RCSD1: variants seen among roughly 807,000 people sequenced by gnomAD.
RCSD1 encodes RCSD domain containing 1.
Under a neutral mutation model 42.5 loss-of-function variants are expected in RCSD1, and 26 were observed. That is an observed-to-expected ratio of 0.61 (90% CI 0.45 to 0.85). The LOEUF (loss-of-function observed/expected upper bound fraction) is 0.85, where lower values mean the gene tolerates loss of function less well. Ranked by LOEUF, RCSD1 falls within the 40% of genes least tolerant of loss-of-function variation. The pLI, the probability that RCSD1 is intolerant of heterozygous loss-of-function variation, is 0.00. For missense variants in RCSD1, 571 were observed against 528.3 expected, an observed-to-expected ratio of 1.08 and a Z score of -0.79; for synonymous variants, 220 against 212.2, an observed-to-expected ratio of 1.04 and a Z score of -0.32.
chr1:167,706,415 A>G lies in RCSD1; in HGVS notation c.*1719A>G, dbSNP rs1263194248. 6.6e-6 allele frequency among the ~76,000 whole-genome samples: 1 copy of G among 152,192 alleles called. No homozygotes were observed. The highest frequency in any genetic ancestry group is 2.4e-5 in the African/African-American group (1 of 41,438). On this transcript the variant is annotated 3_prime_UTR_variant, in exon 7 of 7. Coordinates refer to ENST00000367854, the MANE Select transcript of RCSD1 (RefSeq NM_052862.4). ...GTCTTTGGGTTGTTTATACACATGC[A>G]CTATCTGGGCAAGTACTTTGTGAAT... is the stretch of plus-strand genomic sequence containing the variant.
chr1:167,633,472 G>GA (rs1657754859), intron 1 of RCSD1, among the ~76,000 whole-genome samples: 1 of 152,134 alleles, frequency 6.6e-6, no homozygotes. Flanking sequence ...AGCAGTAACA[G>GA]AAAAAAATGA....
At chr1:167,688,061 T>C (rs1659280267) in intron 3 of RCSD1, among the ~76,000 whole-genome samples, 1 of 152,224 alleles carries the variant, frequency 6.6e-6, no homozygotes, top group African/African-American at 2.4e-5. Flanking sequence ...TCTCAGCCGC[T>C]TGCCTGAAGC....
At chr1:167,637,644 C>T (rs1011638817) in intron 1 of RCSD1, among the ~76,000 whole-genome samples, 3 of 152,092 alleles carry the variant, frequency 2.0e-5, no homozygotes, top group East Asian at 1.9e-4. Flanking sequence ...CTCCAGGTCC[C>T]GAGGGAATGC....
intron 1 of RCSD1, among the ~76,000 whole-genome samples, chr1:167,660,475 G>T (rs370491542): frequency 0.041 from 5,791 of 142,792 alleles, 235 homozygotes; most frequent in African/African-American, 0.082. Flanking sequence ...TCACTGTTTT[G>T]TTTTTTTTTT....
chr1:167,645,598 G>A (rs910068076), intron 1 of RCSD1, among the ~76,000 whole-genome samples: 3 of 152,306 alleles, frequency 2.0e-5, no homozygotes, highest in Admixed American at 6.5e-5. Flanking sequence ...CAAAAACTAG[G>A]AAGAATTTTT....
At chr1:167,634,190 AG>A (rs1319629360) in intron 1 of RCSD1, among the ~76,000 whole-genome samples, 3 of 152,316 alleles carry the variant, frequency 2.0e-5, no homozygotes. Context: ...CAGACTCTAC[AG>A]CACTCTCAGA....
At chr1:167,693,290 A>T (rs930805626) in intron 4 of RCSD1, among the ~76,000 whole-genome samples, 10 of 151,734 alleles carry the variant, frequency 6.6e-5, no homozygotes, top group African/African-American at 2.4e-4. Flanking sequence ...AGAGGATCGG[A>T]CTCTCACGCA....
In RCSD1 at chr1:167,682,759, G is replaced by C. The variant is rs1433899520; in HGVS notation, c.7-1141G>C. On this transcript the variant is annotated intron_variant, in intron 1 of 6. Transcript: ENST00000367854. ...GAGGGAAGCATCCTTTGTTTTTGTA[G>C]ACCACAAGAGCCAGGGAAAGGCAGG... Among the ~76,000 whole-genome samples the C allele has an allele frequency of 2.7e-5, 4 of 150,528 alleles. 1 individual carries two copies. Among genetic ancestry groups the C allele is most frequent in the Non-Finnish European group, 5.9e-5 (4 of 67,808 alleles).
At position 167,675,855 on chromosome 1, in the gene RCSD1, C is replaced by G. The variant is rs578135703; in HGVS notation, c.7-8045C>G. 2.5e-4 allele frequency among the ~76,000 whole-genome samples: 38 copies of G among 152,082 alleles called. No homozygotes were observed. In the East Asian group the frequency reaches 6.2e-3, roughly 25 times the overall value. On this transcript the variant is annotated intron_variant, in intron 1 of 6. Coordinates refer to ENST00000367854, the MANE Select transcript of RCSD1 (RefSeq NM_052862.4). ...TTGAGCAAAGAATGGCTGCAAGCAG[C>G]AAGGAGCACATCTTAGCTAGCTGGG...
At chr1:167,690,781 A>G (rs1411067324) in intron 4 of RCSD1, among the ~76,000 whole-genome samples, 4 of 152,178 alleles carry the variant, frequency 2.6e-5, no homozygotes, top group Non-Finnish European at 4.4e-5. Context: ...TGCAGCCACA[A>G]ACCATTTCAG....
intron 1 of RCSD1, among the ~76,000 whole-genome samples, chr1:167,639,544 G>A (rs1657952618): frequency 6.6e-6 from 1 of 152,012 alleles, no homozygotes; most frequent in Non-Finnish European, 1.5e-5. Flanking sequence ...CCAGGCTGGA[G>A]CGCAATGGTG....
intron 1 of RCSD1, chr1:167,633,647 A>G (rs764481800): frequency 3.9e-5 from 6 of 152,194 alleles, no homozygotes; most frequent in Non-Finnish European, 5.9e-5. Flanking sequence ...TAATTCATGC[A>G]GAGGCCATCT....
Position 167,697,484 on chromosome 1 carries a change from C to T in RCSD1, c.860C>T (p.Thr287Ile). 1 of 1,609,294 alleles carries T rather than the reference C, an allele frequency of 6.2e-7. No individual in the cohort carries two copies. The highest frequency in any genetic ancestry group is 2.2e-5 in the East Asian group (1 of 44,722). Residue 287 changes from threonine to isoleucine, a missense_variant, in exon 6 of 7, where the codon ACC (threonine) becomes ATC (isoleucine). Transcript: ENST00000367854. ...GAGGAGGTCCCGGAATCGCCCCAGA[C>T]CTCTGGCCCAGAGGCAGAAAATAGG... ...AQEEVPESPQ[T>I]SGPEAENRCG...
chr1:167,694,085 T>A lies in RCSD1; in HGVS notation c.271-14T>A. ...CCCTAGTCCTATTTGAAATTGTTCA[T>A]CTTTTCTTGACAGGCCAATTTAACC... On this transcript the variant is annotated splice_polypyrimidine_tract_variant and intron_variant, in intron 4 of 6. Coordinates refer to ENST00000367854, the MANE Select transcript of RCSD1 (RefSeq NM_052862.4). The A allele has an allele frequency of 6.2e-7, 1 of 1,613,806 alleles. No individual in the cohort carries two copies. The highest frequency in any genetic ancestry group is 1.1e-5 in the South Asian group (1 of 91,080).
chr1:167,658,899 T>C (rs1009863907), intron 1 of RCSD1, among the ~76,000 whole-genome samples: 1 of 152,132 alleles, frequency 6.6e-6, no homozygotes, highest in African/African-American at 2.4e-5. Flanking sequence ...ATGGGGTAGA[T>C]TCTCAGGAGT....
At chr1:167,656,343 T>C (rs1026099875) in intron 1 of RCSD1, among the ~76,000 whole-genome samples, 2 of 152,204 alleles carry the variant, frequency 1.3e-5, no homozygotes, top group Admixed American at 6.5e-5. Context: ...ATGATATGCA[T>C]ATAATAATTA....
intron 1 of RCSD1, among the ~76,000 whole-genome samples, chr1:167,656,678 C>T (rs1199994430): frequency 6.6e-6 from 1 of 152,192 alleles, no homozygotes; most frequent in Non-Finnish European, 1.5e-5. Flanking sequence ...AGGACGCCTT[C>T]CACATAGTCA....
chr1:167,694,118 C>T lies in RCSD1; in HGVS notation c.290C>T (p.Pro97Leu), dbSNP rs1404614134. 6.2e-7 allele frequency: 1 copy of T among 1,614,202 alleles called. No individual in the cohort carries two copies. ...TGACAGGCCAATTTAACCTTTGACC[C>T]AGCTGCTCTACTGCCTGGGGCCTCA... ...EKLQANLTFD[P>L]AALLPGASPK... The change falls in exon 5 of 7, where the codon CCA (proline) becomes CTA (leucine). Residue 97 changes from proline to leucine, a missense_variant. Physicochemically the swap from Pro to Leu is moderately conservative, Grantham distance 98. Coordinates refer to ENST00000367854, the MANE Select transcript of RCSD1 (RefSeq NM_052862.4).
intron 1 of RCSD1, among the ~76,000 whole-genome samples, chr1:167,634,217 C>T (rs528345238): frequency 6.6e-6 from 1 of 152,244 alleles, no homozygotes; most frequent in East Asian, 1.9e-4. Flanking sequence ...TTGTTCAAGC[C>T]ACTATTAGAA....
Sources: allele counts gnomAD v4.1 joint callset (sites outside exome capture counted in the v4.1 genomes callset), GRCh38; gene constraint gnomAD v4.1.1; transcripts MANE v1.5; gene names NCBI Gene and HGNC (gene_info 2026-07-23, HGNC 2026-07-21).